AKAP7: variants seen among roughly 807,000 people sequenced by gnomAD.
AKAP7 encodes the protein A kinase (PRKA) anchor protein 7.
Under a neutral mutation model 39.5 loss-of-function variants are expected in AKAP7, and 39 were observed. The observed-to-expected ratio is 0.99, with a 90% CI of 0.76 to 1.29. The LOEUF is 1.29. Among genes scored for constraint, AKAP7 ranks in the 50% most tolerant of loss-of-function variants. The pLI, the probability that AKAP7 is intolerant of heterozygous loss-of-function variation, is 0.00. For synonymous variants in AKAP7, 140 were observed against 139.1 expected, an observed-to-expected ratio of 1.01 and a Z score of -0.05; for missense variants, 414 against 407.7, an observed-to-expected ratio of 1.02 and a Z score of -0.13.
chr6:131,143,605 C>T (rs1004586540), intron 1 of AKAP7, among the ~76,000 whole-genome samples: 1 of 151,886 alleles, frequency 6.6e-6, no homozygotes, highest in East Asian at 1.9e-4. Context: ...TATAGCAATG[C>T]GAATGGACTA....
At chr6:131,201,913 C>T (rs369936557) in intron 6 of AKAP7, among the ~76,000 whole-genome samples, 3 of 152,130 alleles carry the variant, frequency 2.0e-5, no homozygotes, top group Admixed American at 6.6e-5. Context: ...AGATATGCAG[C>T]GTTATCAACA....
At chr6:131,152,312 TA>T (rs1801986022) in intron 2 of AKAP7, among the ~76,000 whole-genome samples, 1 of 152,264 alleles carries the variant, frequency 6.6e-6, no homozygotes, top group Admixed American at 6.5e-5. Context: ...TTTGAAATTC[TA>T]ATTGGTAAAC....
At chr6:131,146,833 G>A (rs1375258298) in intron 2 of AKAP7, among the ~76,000 whole-genome samples, 1 of 152,206 alleles carries the variant, frequency 6.6e-6, no homozygotes, top group East Asian at 1.9e-4. Flanking sequence ...TGATTTGTTA[G>A]TCATTTCTTT....
At chr6:131,132,842 T>TG (rs1800356806), upstream of AKAP7, among the ~76,000 whole-genome samples, 3 of 152,246 alleles carry the variant, frequency 2.0e-5, no homozygotes, top group South Asian at 6.2e-4. Flanking sequence ...CCATTAATGA[T>TG]GCTGAGTTTA....
chr6:131,169,120 G>T lies in AKAP7; in HGVS notation c.436G>T (p.Asp146Tyr). Residue 146 changes from aspartate (D) to tyrosine (Y), a missense_variant, in exon 5 of 8, where the codon GAT (aspartate) becomes TAT (tyrosine). Transcript: ENST00000431975. ...TGTATTATTTCTTACTAGTGGTATTGATGCTCTTTTGGAATTGAAACCATT... is the reference window on the plus strand; with the variant it reads ...TGTATTATTTCTTACTAGTGGTATTTATGCTCTTTTGGAATTGAAACCATT... Reference protein sequence around the residue: ...LNEDEVNIGIDALLELKPFIE... With the variant: ...LNEDEVNIGIYALLELKPFIE... 6.2e-7 allele frequency: 1 copy of T among 1,609,088 alleles called. No homozygotes were observed. Among genetic ancestry groups the T allele is most frequent in the Non-Finnish European group, 8.5e-7 (1 of 1,175,932 alleles).
chr6:131,276,459 C>A (rs1028356176), intron 7 of AKAP7, among the ~76,000 whole-genome samples: 1 of 152,030 alleles, frequency 6.6e-6, no homozygotes, highest in Non-Finnish European at 1.5e-5. Context: ...GTGTGCAAGG[C>A]AGCCGAGTAT....
intron 7 of AKAP7, among the ~76,000 whole-genome samples, chr6:131,221,460 G>A (rs1467139030): frequency 6.6e-6 from 1 of 152,208 alleles, no homozygotes; most frequent in Non-Finnish European, 1.5e-5. Context: ...AGAAGATCTA[G>A]CTAAGGTCGT....
In AKAP7 at chr6:131,247,315, G is replaced by GT. The variant is rs1243723637; in HGVS notation, c.850+27517dup. Among the ~76,000 whole-genome samples, 41 of 45,826 alleles carry GT rather than the reference G, an allele frequency of 8.9e-4. 1 individual carries two copies. Among genetic ancestry groups the GT allele is most frequent in the Non-Finnish European group, 5.9e-4 (13 of 22,148 alleles). 30.1% of individuals were successfully genotyped at this position (45,826 alleles called of 152,430 possible). A position where few individuals can be genotyped will look rare whatever the true frequency, so the allele number is the denominator to read the frequency against. On this transcript the variant is annotated intron_variant, in intron 7 of 7. Coordinates refer to ENST00000431975, the MANE Select transcript of AKAP7 (RefSeq NM_016377.4). ...TATATATATATATATATATATATATGTTTTTTTTTTCTTTTTTTTTTTTTT... is the reference window on the plus strand; with the variant it reads ...TATATATATATATATATATATATATGTTTTTTTTTTTCTTTTTTTTTTTTTT...
chr6:131,153,893 C>T (rs1407003439), intron 2 of AKAP7, among the ~76,000 whole-genome samples: 1 of 152,136 alleles, frequency 6.6e-6, no homozygotes. Context: ...ACTTCTGTCT[C>T]ATTCCATTCC....
intron 7 of AKAP7, among the ~76,000 whole-genome samples, chr6:131,258,035 A>C (rs927180115): frequency 9.9e-5 from 15 of 152,186 alleles, no homozygotes; most frequent in Admixed American, 6.6e-5. Flanking sequence ...GCCATGTCCC[A>C]GTGTGTATTC....
At chr6:131,143,192 G>A (rs981197851) in intron 1 of AKAP7, among the ~76,000 whole-genome samples, 4 of 152,142 alleles carry the variant, frequency 2.6e-5, no homozygotes, top group Non-Finnish European at 5.9e-5. Context: ...ATTATATTTT[G>A]CAGTGAGATT....
chr6:131,270,828 G>A (rs74418913), intron 7 of AKAP7, among the ~76,000 whole-genome samples: 2,307 of 152,212 alleles, frequency 0.015, 25 homozygotes, highest in Middle Eastern at 0.041. Flanking sequence ...AACTAAAAAT[G>A]TTGAATGTCT....
chr6:131,147,560 G>A (rs1052891987), intron 2 of AKAP7, among the ~76,000 whole-genome samples: 1 of 152,236 alleles, frequency 6.6e-6, no homozygotes, highest in African/African-American at 2.4e-5. Flanking sequence ...AGAAAAAAGT[G>A]AGAATAGCAA....
intron 7 of AKAP7, among the ~76,000 whole-genome samples, chr6:131,237,830 A>T (rs1469729754): frequency 1.3e-5 from 2 of 151,906 alleles, no homozygotes; most frequent in African/African-American, 4.8e-5. Context: ...CAGTCTATCA[A>T]TTTTGTTGAT....
chr6:131,212,555 G>A (rs886992892), intron 6 of AKAP7, among the ~76,000 whole-genome samples: 1 of 152,124 alleles, frequency 6.6e-6, no homozygotes, highest in Non-Finnish European at 1.5e-5. Flanking sequence ...AGTTATAGGG[G>A]TGTCAATGTA....
chr6:131,141,899 C>CTTTTTTTTTTT (rs773131426), intron 1 of AKAP7, among the ~76,000 whole-genome samples: 1 of 116,234 alleles, frequency 8.6e-6, no homozygotes. Flanking sequence ...TTCTTTCTTT[C>CTTTTTTTTTTT]TTTTTTTTTT....
intron 5 of AKAP7, chr6:131,184,897 G>T: frequency 1.8e-6 from 2 of 1,086,580 alleles, no homozygotes; most frequent in Admixed American, 1.7e-5. Flanking sequence ...CTCCAGGTTG[G>T]AAGCATCCAG....
chr6:131,214,696 A>C (rs1257928800), intron 6 of AKAP7, among the ~76,000 whole-genome samples: 1 of 152,214 alleles, frequency 6.6e-6, no homozygotes, highest in Non-Finnish European at 1.5e-5. Flanking sequence ...TTGATTTACT[A>C]ATATTCATGC....
intron 2 of AKAP7, among the ~76,000 whole-genome samples, chr6:131,158,313 C>A (rs999115354): frequency 6.6e-6 from 1 of 152,124 alleles, no homozygotes; most frequent in African/African-American, 2.4e-5. Flanking sequence ...TGAGCCCAGA[C>A]TTCTTTTCAC....
Sources: gnomAD v4.1 joint callset for allele counts (sites outside exome capture counted in the v4.1 genomes callset) on GRCh38, gnomAD v4.1.1 for gene constraint, MANE v1.5 for transcripts, NCBI Gene and HGNC (gene_info 2026-07-23, HGNC 2026-07-21) for gene names.